Variants in BRWD1 observed in about 807,000 individuals in gnomAD.
The protein encoded by BRWD1 is bromodomain and WD repeat domain containing 1, also known as bromodomain and WD repeat-containing protein 1.
Under a neutral mutation model 251.2 loss-of-function variants are expected in BRWD1, and 82 were observed. The observed-to-expected ratio is 0.33, with a 90% confidence interval of 0.27 to 0.39. The LOEUF is 0.39. Ranked by LOEUF, BRWD1 falls within the 10% of genes least tolerant of loss-of-function variation. BRWD1 has a pLI of 1.00. For synonymous variants in BRWD1, 918 were observed against 902.8 expected (o/e 1.02, Z -0.30); for missense variants, 2,233 against 2,711.6 (o/e 0.82, Z 3.92).
At chr21:39,286,015 A>ATTTTTTTTTTTTTTT (rs1568953276) in intron 8 of BRWD1, among the ~76,000 whole-genome samples, 1 of 26,738 alleles carries the variant, frequency 3.7e-5, no homozygotes. Flanking sequence ...CACCATATGA[A>ATTTTTTTTTTTTTTT]CTTTTTTTTT....
At position 39,196,843 on chromosome 21, in the gene BRWD1, C is replaced by G; in HGVS notation, c.6226G>C (p.Ala2076Pro). The change falls in exon 41 of 41, where the codon GCA becomes CCA. Residue 2076 changes from alanine (A) to proline (P), a missense_variant. Ala to Pro is a conservative substitution (Grantham distance 27). Transcript: ENST00000342449. Reference sequence around the variant, plus strand: ...TTATTCTCTGCAGTAGCTTTTTGTGCCAAGGTTGACTCTGAAGAAAATGTC... The same window carrying G: ...TTATTCTCTGCAGTAGCTTTTTGTGGCAAGGTTGACTCTGAAGAAAATGTC... Reference protein sequence around the residue: ...DRTFSSESTLAQKATAENNFE... With the variant: ...DRTFSSESTLPQKATAENNFE... 1 of 1,613,610 alleles carries G rather than the reference C, an allele frequency of 6.2e-7. No individual in the cohort carries two copies. The highest frequency in any genetic ancestry group is 8.5e-7 in the Non-Finnish European group (1 of 1,179,934).
intron 21 of BRWD1, among the ~76,000 whole-genome samples, chr21:39,241,833 T>C (rs1198525374): frequency 6.6e-6 from 1 of 152,232 alleles, no homozygotes; most frequent in African/African-American, 2.4e-5. Context: ...GTAATTACCA[T>C]ATTTCAAACT....
At chr21:39,294,068 CA>C in intron 7 of BRWD1, 36 bp from the exon 8 acceptor site, 1 of 1,538,482 alleles carries the variant, frequency 6.5e-7, no homozygotes, top group South Asian at 1.1e-5. Flanking sequence ...AATGTTAGTA[CA>C]GCAAATCTTT....
At chr21:39,209,240 C>T (rs558047446) in intron 36 of BRWD1, among the ~76,000 whole-genome samples, 6 of 152,124 alleles carry the variant, frequency 3.9e-5, no homozygotes, top group African/African-American at 1.4e-4. Context: ...CTCTCCTTTC[C>T]TTCCATTAAT....
rs1159259535 is a variant in BRWD1 at position 39,187,842 on chromosome 21, A to T, written c.*8417T>A. On this transcript the variant is annotated 3_prime_UTR_variant, in exon 41 of 41. Transcript: ENST00000342449. ...CACAGAGTTGCTTTAAGGAACCAAA[A>T]AGTGCAGAGTGCTATGAGAACACAG... 1.0e-6 allele frequency: 1 copy of T among 985,228 alleles called. No homozygotes were observed. The highest frequency in any genetic ancestry group is 1.2e-6 in the Non-Finnish European group (1 of 829,744). 61.0% of individuals were successfully genotyped at this position (985,228 alleles called of 1,614,324 possible).
rs905400834 is a variant in BRWD1 at position 39,190,601 on chromosome 21, T to C, written c.*5658A>G. On this transcript the variant is annotated 3_prime_UTR_variant, in exon 41 of 41. Transcript: ENST00000342449. ...ATTCTCTCCTCTGTCTGCCCTTCAT[T>C]GATAAGCAATGAAATGACCCCAAAA... 6.1e-6 allele frequency: 6 copies of C among 985,238 alleles called. No individual in the cohort carries two copies. The highest frequency in any genetic ancestry group is 6.2e-5 in the Admixed American group (1 of 16,250). 61.0% of individuals were successfully genotyped at this position (985,238 alleles called of 1,614,324 possible). A position where few individuals can be genotyped will look rare whatever the true frequency, so the allele number is the denominator to read the frequency against.
intron 8 of BRWD1, among the ~76,000 whole-genome samples, chr21:39,291,798 T>C (rs1416092869): frequency 1.3e-5 from 2 of 152,238 alleles, no homozygotes; most frequent in East Asian, 3.9e-4. Context: ...CTGTGCTCCA[T>C]CCCACACATG....
At chr21:39,208,275 G>A (rs911038195) in intron 36 of BRWD1, among the ~76,000 whole-genome samples, 2 of 151,844 alleles carry the variant, frequency 1.3e-5, no homozygotes, top group African/African-American at 4.8e-5. Context: ...TTATTTTGTC[G>A]CTGAAAAAAA....
At chr21:39,305,969 C>A (rs1285848912) in intron 4 of BRWD1, among the ~76,000 whole-genome samples, 3 of 151,762 alleles carry the variant, frequency 2.0e-5, no homozygotes, top group Admixed American at 1.3e-4. Flanking sequence ...AGGAGTTTGA[C>A]GCTGCAGTGA....
At chr21:39,310,783 G>A (rs867420274) in intron 4 of BRWD1, among the ~76,000 whole-genome samples, 1 of 152,064 alleles carries the variant, frequency 6.6e-6, no homozygotes, top group Non-Finnish European at 1.5e-5. Flanking sequence ...CCTCACTTTA[G>A]GCAGGTCTAG....
intron 29 of BRWD1, among the ~76,000 whole-genome samples, chr21:39,221,528 C>CA (rs538684993): frequency 9.9e-5 from 15 of 151,030 alleles, no homozygotes; most frequent in South Asian, 6.3e-4. Flanking sequence ...GAAAATAAAG[C>CA]AAAAAAACAA....
At chr21:39,260,163 C>G (rs1394857060) in intron 17 of BRWD1, among the ~76,000 whole-genome samples, 1 of 152,100 alleles carries the variant, frequency 6.6e-6, no homozygotes, top group Non-Finnish European at 1.5e-5. Flanking sequence ...GAGGCTTAAT[C>G]TAAAAAGATA....
intron 34 of BRWD1, 150 bp from the exon 35 acceptor site, chr21:39,211,079 T>C: frequency 1.3e-6 from 1 of 769,290 alleles, no homozygotes; most frequent in Non-Finnish European, 1.9e-6. Flanking sequence ...ATTTTTAAAC[T>C]ATGCATGAAA....
chr21:39,270,164 A>T (rs2035053586), intron 14 of BRWD1, 119 bp downstream of exon 14: 3 of 1,201,070 alleles, frequency 2.5e-6, no homozygotes, highest in African/African-American at 1.6e-5. Context: ...AAAAATTTCT[A>T]ATCATTTCAT....
At chr21:39,294,923 G>A (rs778125394) in intron 7 of BRWD1, among the ~76,000 whole-genome samples, 2 of 151,974 alleles carry the variant, frequency 1.3e-5, no homozygotes, top group Non-Finnish European at 2.9e-5. Context: ...CCTAACTTAC[G>A]CTTAAAACAT....
rs769262002 is a variant in BRWD1 at position 39,247,764 on chromosome 21, A to C, written c.2418T>G (p.Gly806=). ...ACTCACGCCAGCTACGATTTCTTCT[A>C]CCATAATTTGGATATTTACGCCTAC... ...RTCRRKYPNY[G]RRNRSWRELS... is the part of the protein sequence containing the mutation. Residue 806 remains glycine, a synonymous_variant, in exon 21 of 41, where the codon GGT becomes GGG. Transcript: ENST00000342449. 3.1e-6 allele frequency: 5 copies of C among 1,613,616 alleles called. No individual in the cohort carries two copies. In the African/African-American group the frequency reaches 5.3e-5, roughly 17 times the overall value.
At position 39,276,155 on chromosome 21, in the gene BRWD1, T is replaced by C. The variant is rs769585824; in HGVS notation, c.1145+18A>G. 8.2e-5 allele frequency: 131 copies of C among 1,599,422 alleles called. No individual in the cohort carries two copies. Among genetic ancestry groups the C allele is most frequent in the Middle Eastern group, 1.7e-4 (1 of 6,036 alleles). On this transcript the variant is annotated intron_variant, in intron 12 of 40. Coordinates refer to ENST00000342449, the MANE Select transcript of BRWD1 (RefSeq NM_033656.4). ...TTGCCTAATAACACACACACACACA[T>C]ACAAAACACACACTTACCGATCACC...
intron 20 of BRWD1, among the ~76,000 whole-genome samples, chr21:39,249,290 C>T (rs1299672322): frequency 6.6e-6 from 1 of 152,156 alleles, no homozygotes; most frequent in Non-Finnish European, 1.5e-5. Flanking sequence ...ATCCATACAC[C>T]AAAACCCTAT....
intron 9 of BRWD1, 101 bp downstream of exon 9, chr21:39,280,047 C>A: frequency 2.4e-6 from 2 of 824,416 alleles, no homozygotes; most frequent in East Asian, 3.0e-5. Flanking sequence ...TAAAAAAAAG[C>A]AACAATACAC....
Sources: gnomAD v4.1 joint callset for allele counts (sites outside exome capture counted in the v4.1 genomes callset) on GRCh38, gnomAD v4.1.1 for gene constraint, MANE v1.5 for transcripts, NCBI Gene and HGNC (gene_info 2026-07-23, HGNC 2026-07-21) for gene names.